Variants in UBE2H observed in about 807,000 individuals in gnomAD.
UBE2H encodes ubiquitin-conjugating enzyme E2 H.
In UBE2H, 3 loss-of-function variants were observed where a neutral mutation model predicts 29.0. The ratio of observed to expected loss-of-function variants is 0.10; its 90% CI spans 0.05 to 0.27. The LOEUF (loss-of-function observed/expected upper bound fraction) is 0.27, where lower values mean the gene tolerates loss of function less well. UBE2H is among the 10% of genes least tolerant of loss of function. The pLI, the probability that UBE2H is intolerant of heterozygous loss-of-function variation, is 1.00. For synonymous variants in UBE2H, 69 were observed against 82.9 expected, an observed-to-expected ratio of 0.83 and a Z score of 0.91; for missense variants, 68 against 228.2, an observed-to-expected ratio of 0.30 and a Z score of 4.52.
At chr7:129,913,239 C>T (rs1336939497) in intron 1 of UBE2H, among the ~76,000 whole-genome samples, 7 of 126,718 alleles carry the variant, frequency 5.5e-5, no homozygotes, top group Non-Finnish European at 9.5e-5. Flanking sequence ...GCAGCAAGAG[C>T]GAAACTCCGT....
chr7:129,946,860 T>C (rs943458719), intron 1 of UBE2H, among the ~76,000 whole-genome samples: 8 of 152,372 alleles, frequency 5.3e-5, no homozygotes, highest in Admixed American at 4.6e-4. Flanking sequence ...AGGTACACTC[T>C]GTAGGTCTAC....
chr7:129,835,773 T>G (rs1365128481), intron 6 of UBE2H, among the ~76,000 whole-genome samples: 2 of 152,192 alleles, frequency 1.3e-5, no homozygotes, highest in Non-Finnish European at 2.9e-5. Flanking sequence ...CATACTGTTT[T>G]CAAGTGAACA....
intron 5 of UBE2H, among the ~76,000 whole-genome samples, chr7:129,855,675 G>A (rs1805691865): frequency 6.6e-6 from 1 of 152,180 alleles, no homozygotes; most frequent in Admixed American, 6.5e-5. Context: ...CTCACTCATG[G>A]TGCTTACAAT....
At chr7:129,901,555 T>C (rs1050427936) in intron 1 of UBE2H, among the ~76,000 whole-genome samples, 1 of 152,142 alleles carries the variant, frequency 6.6e-6, no homozygotes, top group Non-Finnish European at 1.5e-5. Flanking sequence ...TAACTGTATA[T>C]GAGGGAGAAG....
intron 5 of UBE2H, among the ~76,000 whole-genome samples, chr7:129,851,196 G>C (rs1031450529): frequency 3.3e-5 from 5 of 152,144 alleles, no homozygotes; most frequent in Non-Finnish European, 7.4e-5. Flanking sequence ...ACAAGCTCTT[G>C]TTCATCAAAA....
At chr7:129,837,469 G>C (rs1392211046) in intron 6 of UBE2H, among the ~76,000 whole-genome samples, 1 of 152,182 alleles carries the variant, frequency 6.6e-6, no homozygotes, top group Non-Finnish European at 1.5e-5. Flanking sequence ...AAAAAAACTA[G>C]AGGAGTTTAA....
At position 129,894,225 on chromosome 7, in the gene UBE2H, A is replaced by G. The variant is rs531669428; in HGVS notation, c.54-13254T>C. ...TTCCAACATTTTAGGAGGTGAAAGC[A>G]GGCAGATCTTTTGAGCTTAGAACTC... On this transcript the variant is annotated intron_variant, in intron 1 of 6. Transcript: ENST00000355621. Among the ~76,000 whole-genome samples, 165 of 152,290 alleles carry G rather than the reference A, an allele frequency of 1.1e-3. 1 individual carries two copies. The highest frequency in any genetic ancestry group is 1.9e-3 in the Non-Finnish European group (131 of 68,018).
intron 6 of UBE2H, among the ~76,000 whole-genome samples, chr7:129,838,404 G>C (rs74612079): frequency 0.03 from 4,526 of 152,254 alleles, 235 homozygotes; most frequent in African/African-American, 0.1. Context: ...ACCTCAGAGA[G>C]GCCACACATT....
chr7:129,867,724 C>CAAAAAAAAAAAAAAAAAAGAAAAAA (rs1805940172), intron 3 of UBE2H, among the ~76,000 whole-genome samples: 2 of 31,208 alleles, frequency 6.4e-5, no homozygotes, highest in Non-Finnish European at 5.8e-5. Flanking sequence ...AAAAGAAAAC[C>CAAAAAAAAAAAAAAAAAAGAAAAAA]AAAAAAAAAA....
At chr7:129,871,202 A>T (rs1309587390) in intron 3 of UBE2H, among the ~76,000 whole-genome samples, 1 of 152,250 alleles carries the variant, frequency 6.6e-6, no homozygotes, top group Non-Finnish European at 1.5e-5. Context: ...AGCTCGCAGT[A>T]GGTATCCAAT....
chr7:129,870,950 T>C (rs1244381830), intron 3 of UBE2H, among the ~76,000 whole-genome samples: 1 of 152,194 alleles, frequency 6.6e-6, no homozygotes, highest in Non-Finnish European at 1.5e-5. Context: ...ACCCCTGATT[T>C]TGGAGGATCA....
intron 3 of UBE2H, among the ~76,000 whole-genome samples, chr7:129,867,339 C>T (rs1805924325): frequency 6.8e-6 from 1 of 147,166 alleles, no homozygotes; most frequent in Non-Finnish European, 1.5e-5. Context: ...GAAAATGTGG[C>T]ACATATACAC....
chr7:129,858,822 C>T (rs945531865), intron 4 of UBE2H, 80 bp downstream of exon 4: 12 of 1,371,464 alleles, frequency 8.7e-6, no homozygotes, highest in Admixed American at 1.8e-5. Context: ...AAAAGATAAC[C>T]GAGGCTTTTT....
intron 3 of UBE2H, among the ~76,000 whole-genome samples, chr7:129,859,604 T>C (rs1212842652): frequency 6.6e-6 from 1 of 152,206 alleles, no homozygotes; most frequent in African/African-American, 2.4e-5. Flanking sequence ...TTTTAAAATT[T>C]TTCCTAGCAA....
At chr7:129,859,975 A>G (rs1805770864) in intron 3 of UBE2H, among the ~76,000 whole-genome samples, 1 of 152,210 alleles carries the variant, frequency 6.6e-6, no homozygotes, top group Non-Finnish European at 1.5e-5. Flanking sequence ...AAGACAGTTC[A>G]CTATTCTTGA....
chr7:129,901,934 T>C (rs1584775656), intron 1 of UBE2H, among the ~76,000 whole-genome samples: 1 of 151,688 alleles, frequency 6.6e-6, no homozygotes, highest in African/African-American at 2.4e-5. Flanking sequence ...CAGGCAGGAG[T>C]AGCAGAAGCA....
chr7:129,863,857 G>C (rs887944292), intron 3 of UBE2H, among the ~76,000 whole-genome samples: 8 of 147,972 alleles, frequency 5.4e-5, no homozygotes, highest in African/African-American at 2.0e-4. Flanking sequence ...AGGCAGGAGT[G>C]TGGTGGTGCA....
At chr7:129,888,152 G>GA (rs1806401555) in intron 1 of UBE2H, among the ~76,000 whole-genome samples, 2 of 152,140 alleles carry the variant, frequency 1.3e-5, no homozygotes, top group Admixed American at 6.5e-5. Flanking sequence ...ATAAGAAGCT[G>GA]AAAAAATTTT....
chr7:129,933,175 G>C (rs929598647), intron 1 of UBE2H, among the ~76,000 whole-genome samples: 2 of 152,170 alleles, frequency 1.3e-5, no homozygotes, highest in African/African-American at 4.8e-5. Context: ...ATACTTTTAT[G>C]GAAGGTGTGA....
Sources: gnomAD v4.1 joint callset for allele counts (sites outside exome capture counted in the v4.1 genomes callset) on GRCh38, gnomAD v4.1.1 for gene constraint, MANE v1.5 for transcripts, NCBI Gene and HGNC (gene_info 2026-07-23, HGNC 2026-07-21) for gene names.